The following YEATS2 variants were observed in gnomAD, a reference collection of about 807,000 sequenced individuals.
YEATS2 encodes YEATS domain containing 2, also known as YEATS domain-containing protein 2.
YEATS2 carries 77 observed loss-of-function variants against 163.2 expected under a neutral mutation model. The ratio of observed to expected loss-of-function variants is 0.47; its 90% confidence interval spans 0.39 to 0.57. YEATS2 has a LOEUF of 0.57. Among genes scored for constraint, YEATS2 ranks in the 20% least tolerant of loss-of-function variants. The probability of loss-of-function intolerance (pLI) is 0.00; values close to 1 mark genes in which losing one functional copy is unlikely to be tolerated. For missense variants in YEATS2, 1,549 were observed against 1,729.8 expected (o/e 0.90, Z 1.85); for synonymous variants, 631 against 645.1 (o/e 0.98, Z 0.33).
rs1723146183 is a variant in YEATS2 at position 183,777,817 on chromosome 3, A to G, written c.2736+117A>G. The G allele has an allele frequency of 4.3e-6, 6 of 1,379,616 alleles. No homozygotes were observed. The East Asian group carries it at 7.5e-5, about 17-fold the overall frequency. The allele number at this position is 1,379,616 out of a possible 1,614,324, so 85.5% of individuals were successfully genotyped here. A position where few individuals can be genotyped will look rare whatever the true frequency, so the allele number is the denominator to read the frequency against. On this transcript the variant is annotated intron_variant, in intron 19 of 30. Transcript: ENST00000305135. Reference sequence around the variant, plus strand: ...TTAAGGTTACATAAGAAAATGAACAATAAGGCCAGGAGTGGTCGCTCACGT... The same window carrying G: ...TTAAGGTTACATAAGAAAATGAACAGTAAGGCCAGGAGTGGTCGCTCACGT...
chr3:183,797,737 T>C (rs1338823592), intron 21 of YEATS2, among the ~76,000 whole-genome samples, 186 bp from the exon 22 acceptor site: 2 of 152,138 alleles, frequency 1.3e-5, no homozygotes, highest in Non-Finnish European at 2.9e-5. Context: ...AAACAATTAT[T>C]GTCATGCCGA....
Position 183,724,439 on chromosome 3 carries a change from C to T in YEATS2, c.558C>T (p.Gly186=). ...TTCAGGATACTTCTAGAATTACTGG[C>T]TCCCATAAAACAGAACAGCGGAATG... is the stretch of plus-strand genomic sequence containing the variant. The part of the protein sequence containing the change: ...NTGRDTSRIT[G]SHKTEQRNAD... The change falls in exon 6 of 31, where the codon GGC becomes GGT. Residue 186 remains glycine, a synonymous_variant. Transcript: ENST00000305135. 1 of 1,611,722 alleles carries T rather than the reference C, an allele frequency of 6.2e-7. No homozygotes were observed. Among genetic ancestry groups the T allele is most frequent in the Non-Finnish European group, 8.5e-7 (1 of 1,179,134 alleles).
intron 15 of YEATS2, among the ~76,000 whole-genome samples, chr3:183,770,679 T>G (rs980109515): frequency 6.6e-6 from 1 of 152,234 alleles, no homozygotes; most frequent in Non-Finnish European, 1.5e-5. Context: ...TTCCACTCCA[T>G]GCGCTTATTA....
chr3:183,718,045 TAA>T (rs1055914787), intron 3 of YEATS2, among the ~76,000 whole-genome samples: 2 of 152,142 alleles, frequency 1.3e-5, no homozygotes, highest in African/African-American at 4.8e-5. Flanking sequence ...TAAAAATAAT[TAA>T]AAGAGTAAAA....
intron 8 of YEATS2, among the ~76,000 whole-genome samples, chr3:183,746,299 C>T (rs1719530943): frequency 6.6e-6 from 1 of 152,180 alleles, no homozygotes; most frequent in Non-Finnish European, 1.5e-5. Flanking sequence ...AGCAATCAGC[C>T]TGCCTTAGTC....
intron 1 of YEATS2, among the ~76,000 whole-genome samples, chr3:183,708,842 T>C (rs1429557087): frequency 6.6e-6 from 1 of 152,146 alleles, no homozygotes; most frequent in African/African-American, 2.4e-5. Flanking sequence ...CCAGTCTGGA[T>C]GGCAGAGTAA....
intron 1 of YEATS2, among the ~76,000 whole-genome samples, chr3:183,700,340 G>A (rs923681017): frequency 9.3e-5 from 14 of 149,918 alleles, no homozygotes; most frequent in African/African-American, 3.0e-4. Flanking sequence ...GCCCACATAC[G>A]ATGTACATTA....
intron 30 of YEATS2, chr3:183,810,156 C>T (rs1414327672): frequency 8.3e-6 from 2 of 239,896 alleles, no homozygotes; most frequent in Non-Finnish European, 1.6e-5. Flanking sequence ...TTTTGTGGTG[C>T]TTTGACTCAG....
chr3:183,802,329 GACC>G lies in YEATS2; in HGVS notation c.3502+805_3502+807del, dbSNP rs778120400. 23 of 152,674 alleles carry G rather than the reference GACC, an allele frequency of 1.5e-4. 1 individual carries two copies. The highest frequency in any genetic ancestry group is 3.4e-4 in the Non-Finnish European group (23 of 68,072). 9.5% of individuals were successfully genotyped at this position (152,674 alleles called of 1,614,324 possible). A position where few individuals can be genotyped will look rare whatever the true frequency, so the allele number is the denominator to read the frequency against. On this transcript the variant is annotated intron_variant, in intron 25 of 30. Coordinates refer to ENST00000305135, the MANE Select transcript of YEATS2 (RefSeq NM_018023.5). Reference sequence around the variant, plus strand: ...GCTCTGAACACATACACCAGGTACAGACCACCTACTTATTTTTTCCAACTGTAA... The same window carrying G: ...GCTCTGAACACATACACCAGGTACAGACCTACTTATTTTTTCCAACTGTAA...
chr3:183,754,110 C>G lies in YEATS2; in HGVS notation c.1151-16C>G, dbSNP rs150084865. The stretch of plus-strand genomic sequence containing the variant: ...GCGATTGATGACTTGCCGTTTGCCT[C>G]TTTCATCTCAAGCAGGATTCCCAGC... On this transcript the variant is annotated splice_polypyrimidine_tract_variant and intron_variant, in intron 10 of 30. Coordinates refer to ENST00000305135, the MANE Select transcript of YEATS2 (RefSeq NM_018023.5). The G allele has an allele frequency of 3.3e-6, 5 of 1,526,288 alleles. No homozygotes were observed. The African/African-American group carries it at 4.1e-5, about 13-fold the overall frequency. The allele number at this position is 1,526,288 out of a possible 1,614,324, so 94.5% of individuals were successfully genotyped here. A position where few individuals can be genotyped will look rare whatever the true frequency, so the allele number is the denominator to read the frequency against.
intron 15 of YEATS2, among the ~76,000 whole-genome samples, chr3:183,764,773 C>T (rs1282132743): frequency 1.3e-5 from 2 of 152,166 alleles, no homozygotes; most frequent in Non-Finnish European, 1.5e-5. Context: ...TGCTATTGCA[C>T]TCCAGCCTGG....
In YEATS2 at chr3:183,715,202, G is replaced by A. The variant is rs1185202392; in HGVS notation, c.40G>A (p.Asp14Asn). The change falls in exon 2 of 31, where the codon GAT becomes AAT. Residue 14 changes from aspartate (D) to asparagine (N), a missense_variant. Transcript: ENST00000305135. Reference sequence around the variant, plus strand: ...GCGAACCATCAAAGAAACCGACCCTGATTACGAGGATGTATCTGTGGCCCT... The same window carrying A: ...GCGAACCATCAAAGAAACCGACCCTAATTACGAGGATGTATCTGTGGCCCT... The part of the protein sequence containing the change: ...IKRTIKETDP[D>N]YEDVSVALPN... 8 of 1,613,466 alleles carry A rather than the reference G, an allele frequency of 5.0e-6. No individual in the cohort carries two copies. Among genetic ancestry groups the A allele is most frequent in the African/African-American group, 1.3e-5 (1 of 74,772 alleles).
intron 6 of YEATS2, among the ~76,000 whole-genome samples, chr3:183,726,740 A>G (rs262971): frequency 0.39 from 59,727 of 151,626 alleles, 12,231 homozygotes; most frequent in Middle Eastern, 0.53. Flanking sequence ...CTATTTTCGT[A>G]TATTTTTCTC....
At chr3:183,714,962 A>G (rs2109023116) in intron 1 of YEATS2, among the ~76,000 whole-genome samples, 182 bp from the exon 2 acceptor site, 1 of 152,202 alleles carries the variant, frequency 6.6e-6, no homozygotes, top group East Asian at 1.9e-4. Context: ...TGGCCTTAAA[A>G]GAAATATGTA....
intron 2 of YEATS2, among the ~76,000 whole-genome samples, chr3:183,717,145 G>C (rs1432240592): frequency 1.3e-5 from 2 of 151,794 alleles, no homozygotes; most frequent in Non-Finnish European, 2.9e-5. Context: ...CACCTGTCTG[G>C]GCCTCCTAGA....
intron 21 of YEATS2, among the ~76,000 whole-genome samples, chr3:183,791,794 A>T (rs1325461844): frequency 6.6e-6 from 1 of 152,198 alleles, no homozygotes; most frequent in African/African-American, 2.4e-5. Flanking sequence ...AGTAAGAGCT[A>T]TGGTGTCTTT....
intron 8 of YEATS2, among the ~76,000 whole-genome samples, chr3:183,744,102 C>CTTTTTTTTTTTT (rs562807575): frequency 1.8e-5 from 1 of 56,002 alleles, no homozygotes; most frequent in Non-Finnish European, 3.0e-5. Context: ...TTTAGTTTTG[C>CTTTTTTTTTTTT]TTTTTTTTTT....
At chr3:183,801,360 C>T (rs1287228064) in intron 24 of YEATS2, 95 bp from the exon 25 acceptor site, 16 of 766,660 alleles carry the variant, frequency 2.1e-5, no homozygotes, top group South Asian at 6.9e-5. Context: ...TCCCTCAGAA[C>T]GGAATATATC....
chr3:183,777,779 T>C, intron 19 of YEATS2, 79 bp downstream of exon 19: 1 of 1,496,298 alleles, frequency 6.7e-7, no homozygotes, highest in Middle Eastern at 1.8e-4. Flanking sequence ...GTTTCTCTCT[T>C]TTCACAAAGA....
Sources: allele counts gnomAD v4.1 joint callset (sites outside exome capture counted in the v4.1 genomes callset), GRCh38; gene constraint gnomAD v4.1.1; transcripts MANE v1.5; gene names NCBI Gene and HGNC (gene_info 2026-07-23, HGNC 2026-07-21).